METTL21C: variants seen among roughly 807,000 people sequenced by gnomAD.
METTL21C encodes the protein protein-lysine methyltransferase METTL21C.
METTL21C carries 21 observed loss-of-function variants against 25.9 expected under a neutral mutation model. The observed-to-expected ratio is 0.81, with a 90% CI of 0.58 to 1.17. The LOEUF is 1.17. Ranked by LOEUF, METTL21C falls within the 50% of genes most tolerant of loss-of-function variation. The probability of loss-of-function intolerance (pLI) is 0.00; values close to 1 mark genes in which losing one functional copy is unlikely to be tolerated. For synonymous variants in METTL21C, 125 were observed against 124.7 expected, an observed-to-expected ratio of 1.00 and a Z score of -0.01; for missense variants, 312 against 315.1, an observed-to-expected ratio of 0.99 and a Z score of 0.07.
intron 1 of METTL21C, among the ~76,000 whole-genome samples, chr13:102,692,233 A>G (rs2138886648): frequency 6.6e-6 from 1 of 152,300 alleles, no homozygotes; most frequent in South Asian, 2.1e-4. Flanking sequence ...GGAGGTGAAT[A>G]CGAGGCAAAG....
At chr13:102,686,675 G>A (rs1392112453) in intron 3 of METTL21C, among the ~76,000 whole-genome samples, 4 of 152,170 alleles carry the variant, frequency 2.6e-5, no homozygotes, top group East Asian at 3.8e-4. Context: ...CACCTCACCT[G>A]TGGGATTGAC....
the METTL21C span, among the ~76,000 whole-genome samples, chr13:102,700,801 G>A: frequency 1.3e-5 from 2 of 152,088 alleles, no homozygotes; most frequent in Non-Finnish European, 2.9e-5. Flanking sequence ...CTCGGTTCCT[G>A]TTTTACTGTG....
At chr13:102,699,185 T>TA (rs1885994143), upstream of METTL21C, among the ~76,000 whole-genome samples, 3 of 152,150 alleles carry the variant, frequency 2.0e-5, no homozygotes, top group Admixed American at 2.0e-4. Context: ...ACCCAGTGCA[T>TA]ACATACTTCC....
the METTL21C span, among the ~76,000 whole-genome samples, chr13:102,703,908 C>T: frequency 6.6e-6 from 1 of 152,164 alleles, no homozygotes; most frequent in African/African-American, 2.4e-5. Context: ...AGACCTCTTC[C>T]CTATTCACTG....
At chr13:102,701,692 T>C in the METTL21C span, among the ~76,000 whole-genome samples, 3 of 152,076 alleles carry the variant, frequency 2.0e-5, no homozygotes, top group Admixed American at 2.0e-4. Flanking sequence ...TCTACGAGCA[T>C]GAAGAAAAGT....
At position 102,694,900 on chromosome 13, in the gene METTL21C, T is replaced by TCACA. The variant is rs55715774; in HGVS notation, c.-406_-403dup. Among the ~76,000 whole-genome samples, 748 of 135,552 alleles carry TCACA rather than the reference T, an allele frequency of 5.5e-3. 6 individuals are homozygous for TCACA. The highest frequency in any genetic ancestry group is 0.012 in the African/African-American group (396 of 34,156). 88.9% of individuals were successfully genotyped at this position (135,552 alleles called of 152,430 possible). On this transcript the variant is annotated 5_prime_UTR_variant, in exon 1 of 4. The change abolishes the stop of an existing upstream ORF in the 5' untranslated region. Coordinates refer to ENST00000267273, the MANE Select transcript of METTL21C (RefSeq NM_001010977.3). The stretch of plus-strand genomic sequence containing the variant: ...CTCTCTCTCTCTCTCTCTCTCTCTC[T>TCACA]CACACACACACACACACACACACAC...
the METTL21C span, among the ~76,000 whole-genome samples, chr13:102,701,108 C>T: frequency 6.6e-6 from 1 of 151,856 alleles, no homozygotes; most frequent in Non-Finnish European, 1.5e-5. Flanking sequence ...TCATTCCTTC[C>T]CCTGTTCTAG....
the METTL21C span, among the ~76,000 whole-genome samples, chr13:102,703,206 G>A: frequency 3.9e-5 from 6 of 152,128 alleles, no homozygotes; most frequent in Non-Finnish European, 8.8e-5. Flanking sequence ...GAAGCTTTTA[G>A]AGCTTCACGT....
rs749395419 is a variant in METTL21C, at chr13:102,686,259, G to A, written c.567C>T (p.Tyr189=). The stretch of plus-strand genomic sequence containing the variant: ...GGTAGACCACATCTGAGGCTAGGAC[G>A]TAATCATAGTAAAAAGCTGACTTGG... ...NFPKSAFYYD[Y]VLASDVVYHH... Residue 189 remains tyrosine (Y), a synonymous_variant, in exon 4 of 4, where the codon TAC becomes TAT. Coordinates refer to ENST00000267273, the MANE Select transcript of METTL21C (RefSeq NM_001010977.3). 5.6e-6 allele frequency: 9 copies of A among 1,614,196 alleles called. No homozygotes were observed. The highest frequency in any genetic ancestry group is 2.2e-5 in the East Asian group (1 of 44,882).
At chr13:102,689,157 T>C (rs1885760823) in intron 2 of METTL21C, among the ~76,000 whole-genome samples, 1 of 152,154 alleles carries the variant, frequency 6.6e-6, no homozygotes, top group Admixed American at 6.5e-5. Context: ...CTCAAACTCC[T>C]GAGCTCAAGC....
At chr13:102,693,319 A>G (rs373867586) in intron 1 of METTL21C, among the ~76,000 whole-genome samples, 1 of 152,216 alleles carries the variant, frequency 6.6e-6, no homozygotes, top group African/African-American at 2.4e-5. Flanking sequence ...TGATGGTTAT[A>G]TATAACAATC....
At chr13:102,702,572 T>A in the METTL21C span, among the ~76,000 whole-genome samples, 1 of 151,076 alleles carries the variant, frequency 6.6e-6, no homozygotes, top group East Asian at 2.0e-4. Flanking sequence ...GCGTGTAAGA[T>A]CCTGTACAAA....
Position 102,686,273 on chromosome 13 carries a change from A to C in METTL21C, c.553T>G (p.Phe185Val), listed in dbSNP as rs768701486. The C allele has an allele frequency of 1.5e-5, 25 of 1,614,090 alleles. No homozygotes were observed. The East Asian group carries it at 5.1e-4, about 33-fold the overall frequency. The change falls in exon 4 of 4, where the codon TTT becomes GTT. Residue 185 changes from phenylalanine to valine, a missense_variant. Transcript: ENST00000267273. ...GAGGCTAGGACGTAATCATAGTAAAAAGCTGACTTGGGAAAGTTTTTGTCC... is the reference window on the plus strand; with the variant it reads ...GAGGCTAGGACGTAATCATAGTAAACAGCTGACTTGGGAAAGTTTTTGTCC... ...DLDKNFPKSA[F>V]YYDYVLASDV...
Sources: gnomAD v4.1 joint callset for allele counts (sites outside exome capture counted in the v4.1 genomes callset) on GRCh38, gnomAD v4.1.1 for gene constraint, MANE v1.5 for transcripts, NCBI Gene and HGNC (gene_info 2026-07-23, HGNC 2026-07-21) for gene names.